Variants in RNF216 observed in about 807,000 individuals in gnomAD.
The protein encoded by RNF216 is ring finger protein 216.
RNF216 carries 72 observed loss-of-function variants against 110.8 expected under a neutral mutation model. The observed-to-expected ratio is 0.65, with a 90% confidence interval of 0.54 to 0.79. The LOEUF (loss-of-function observed/expected upper bound fraction) is 0.79, where lower values mean the gene tolerates loss of function less well. Among genes scored for constraint, RNF216 ranks in the 30% least tolerant of loss-of-function variants. RNF216 has a pLI of 0.00. For synonymous variants in RNF216, 495 were observed against 407.5 expected (o/e 1.21, Z -2.59); for missense variants, 1,342 against 1,141.2 (o/e 1.18, Z -2.54).
chr7:5,641,032 T>C, intron 15 of RNF216, 122 bp downstream of exon 15: 1 of 754,600 alleles, frequency 1.3e-6, no homozygotes, highest in Non-Finnish European at 2.1e-6. Context: ...GTTATCAGTC[T>C]ATGTAATTTC....
intron 5 of RNF216, among the ~76,000 whole-genome samples, chr7:5,732,552 C>A (rs1794154189): frequency 6.6e-6 from 1 of 152,168 alleles, no homozygotes. Flanking sequence ...ACATGAAGTT[C>A]CACATGACAG....
chr7:5,780,600 G>A lies in RNF216; in HGVS notation c.-70+941C>T, dbSNP rs563994904. On this transcript the variant is annotated intron_variant, in intron 1 of 16. Transcript: ENST00000389902. ...TAATCCCAGCTGAGGCAATCCCTGT[G>A]AGGCTGAGGCAGGAAAATCGCTTGA... Among the ~76,000 whole-genome samples, 95 of 152,200 alleles carry A rather than the reference G, an allele frequency of 6.2e-4. No individual in the cohort carries two copies. In the Middle Eastern group the frequency reaches 0.01, roughly 16 times the overall value.
intron 7 of RNF216, 150 bp from the exon 8 acceptor site, chr7:5,725,588 C>T (rs1379705630): frequency 2.4e-5 from 15 of 614,570 alleles, no homozygotes; most frequent in Admixed American, 8.7e-5. Context: ...CGGTGGCTGA[C>T]GCCTGTAATC....
At chr7:5,667,307 C>A (rs1789592957) in intron 13 of RNF216, among the ~76,000 whole-genome samples, 2 of 152,114 alleles carry the variant, frequency 1.3e-5, no homozygotes, top group Non-Finnish European at 2.9e-5. Flanking sequence ...ATATTTCTTA[C>A]TATAGGTCAC....
rs761469213 is a variant in RNF216, at chr7:5,623,164, C to T, written c.2468G>A (p.Arg823His). 18 of 1,557,550 alleles carry T rather than the reference C, an allele frequency of 1.2e-5. No individual in the cohort carries two copies. Among genetic ancestry groups the T allele is most frequent in the Non-Finnish European group, 1.6e-5 (18 of 1,146,204 alleles). ...KRKNGENTFKRIGPPLEKPVE... is the reference protein window; with the variant it reads ...KRKNGENTFKHIGPPLEKPVE... ...AGGCTTCTCCAGCGGGGGTCCAATG[C>T]GTTTGAAGGTGTTCTCTGAAAGGGA... Residue 823 changes from arginine (R) to histidine (H), a missense_variant, in exon 17 of 17, where the codon CGC becomes CAC. By Grantham distance (29) the Arg-to-His change is conservative. Coordinates refer to ENST00000389902, the MANE Select transcript of RNF216 (RefSeq NM_207111.4).
At chr7:5,729,025 G>A (rs1216404967) in intron 7 of RNF216, among the ~76,000 whole-genome samples, 3 of 152,180 alleles carry the variant, frequency 2.0e-5, no homozygotes, top group South Asian at 4.1e-4. Context: ...ACTCTCTTCT[G>A]AGGGGGCACT....
intron 3 of RNF216, among the ~76,000 whole-genome samples, chr7:5,750,173 T>A (rs1340512444): frequency 6.6e-6 from 1 of 152,178 alleles, no homozygotes; most frequent in Non-Finnish European, 1.5e-5. Flanking sequence ...GAATGCCATA[T>A]TTCAAAATGT....
chr7:5,709,641 T>G (rs1011108315), intron 13 of RNF216, among the ~76,000 whole-genome samples: 16 of 152,304 alleles, frequency 1.1e-4, no homozygotes, highest in African/African-American at 3.6e-4. Flanking sequence ...CAAAAACATA[T>G]GTGGTGTTCC....
At chr7:5,656,464 C>T (rs947003006) in intron 13 of RNF216, among the ~76,000 whole-genome samples, 4 of 152,150 alleles carry the variant, frequency 2.6e-5, no homozygotes. Context: ...CGCGCGGGAC[C>T]ACACTTTCTA....
intron 7 of RNF216, among the ~76,000 whole-genome samples, chr7:5,728,439 T>C (rs1235014060): frequency 1.3e-5 from 2 of 151,840 alleles, no homozygotes; most frequent in Admixed American, 6.6e-5. Flanking sequence ...CCAGGCGCGG[T>C]GGTGAGCACC....
At chr7:5,728,981 C>T (rs969731624) in intron 7 of RNF216, among the ~76,000 whole-genome samples, 8 of 152,246 alleles carry the variant, frequency 5.3e-5, no homozygotes, top group East Asian at 1.9e-4. Flanking sequence ...TAGGATCCTG[C>T]GGGGAGAACG....
intron 1 of RNF216, among the ~76,000 whole-genome samples, chr7:5,777,786 A>G (rs1243206894): frequency 6.6e-6 from 1 of 152,244 alleles, no homozygotes; most frequent in Non-Finnish European, 1.5e-5. Flanking sequence ...TAAGAATCCT[A>G]TTATCTGTGT....
At chr7:5,745,259 A>C (rs1385969469) in intron 3 of RNF216, among the ~76,000 whole-genome samples, 1 of 152,236 alleles carries the variant, frequency 6.6e-6, no homozygotes. Context: ...TAAGATGCTG[A>C]AATTGAATGT....
At chr7:5,644,538 C>T (rs1473729883) in intron 14 of RNF216, among the ~76,000 whole-genome samples, 1 of 151,658 alleles carries the variant, frequency 6.6e-6, no homozygotes, top group Non-Finnish European at 1.5e-5. Flanking sequence ...CAGAGTCTCA[C>T]TCTGTCATCC....
chr7:5,630,526 G>T (rs1787004375), intron 15 of RNF216, among the ~76,000 whole-genome samples: 2 of 152,240 alleles, frequency 1.3e-5, no homozygotes, highest in South Asian at 2.1e-4. Flanking sequence ...CTACAGGTGT[G>T]TATCACCATG....
intron 13 of RNF216, among the ~76,000 whole-genome samples, chr7:5,705,760 A>G (rs1045258978): frequency 6.6e-6 from 1 of 152,088 alleles, no homozygotes; most frequent in African/African-American, 2.4e-5. Flanking sequence ...ATACAACATT[A>G]GCCGGGCGTG....
intron 13 of RNF216, among the ~76,000 whole-genome samples, chr7:5,686,802 G>A (rs1004341426): frequency 5.3e-5 from 8 of 152,228 alleles, no homozygotes; most frequent in South Asian, 4.1e-4. Context: ...AGGGCGTGGA[G>A]AGATGGCTTC....
intron 2 of RNF216, among the ~76,000 whole-genome samples, chr7:5,757,138 A>G (rs886233909): frequency 6.6e-6 from 1 of 152,146 alleles, no homozygotes; most frequent in East Asian, 1.9e-4. Context: ...TGTTCTTCCA[A>G]TCTTCTATAT....
Position 5,768,444 on chromosome 7 carries a change from A to T in RNF216, c.-69-7306T>A, listed in dbSNP as rs933891667. On this transcript the variant is annotated intron_variant, in intron 1 of 16. Coordinates refer to ENST00000389902, the MANE Select transcript of RNF216 (RefSeq NM_207111.4). ...GCAAGATGAACCCACTTATAGCTGGATAGACTTGAACAGTACTATCAAAGA... is the reference window on the plus strand; with the variant it reads ...GCAAGATGAACCCACTTATAGCTGGTTAGACTTGAACAGTACTATCAAAGA... 3.3e-5 allele frequency among the ~76,000 whole-genome samples: 5 copies of T among 151,460 alleles called. No individual in the cohort carries two copies. The South Asian group carries it at 8.4e-4, about 25-fold the overall frequency.
Sources: gnomAD v4.1 joint callset for allele counts (sites outside exome capture counted in the v4.1 genomes callset) on GRCh38, gnomAD v4.1.1 for gene constraint, MANE v1.5 for transcripts, NCBI Gene and HGNC (gene_info 2026-07-23, HGNC 2026-07-21) for gene names.